Variants in LIMA1 observed in about 807,000 individuals in gnomAD.
LIMA1 encodes the protein LIM domain and actin binding 1, also known as LIM domain and actin-binding protein 1.
LIMA1 carries 52 observed loss-of-function variants against 62.6 expected under a neutral mutation model. That is an observed-to-expected ratio of 0.83 (90% confidence interval 0.67 to 1.05). The LOEUF is 1.05. Among genes scored for constraint, LIMA1 ranks in the 50% least tolerant of loss-of-function variants. The pLI, the probability that LIMA1 is intolerant of heterozygous loss-of-function variation, is 0.00. For synonymous variants in LIMA1, 302 were observed against 317.8 expected (o/e 0.95, Z 0.53); for missense variants, 780 against 902.2 (o/e 0.86, Z 1.74).
intron 3 of LIMA1, among the ~76,000 whole-genome samples, chr12:50,227,703 G>A (rs1245691621): frequency 2.0e-5 from 3 of 151,898 alleles, no homozygotes; most frequent in Non-Finnish European, 2.9e-5. Context: ...ACTCCCTGTC[G>A]CCTCTGCTTA....
intron 1 of LIMA1, among the ~76,000 whole-genome samples, chr12:50,276,005 T>C (rs1329332709): frequency 2.0e-5 from 3 of 152,154 alleles, no homozygotes; most frequent in African/African-American, 7.2e-5. Context: ...CCTGAGACTC[T>C]ACCTTTTTAA....
intron 2 of LIMA1, among the ~76,000 whole-genome samples, chr12:50,236,551 A>G (rs1422756814): frequency 1.3e-5 from 2 of 152,018 alleles, no homozygotes; most frequent in Non-Finnish European, 2.9e-5. Flanking sequence ...CGCCTGCCTC[A>G]GCCTCCCAAA....
chr12:50,282,442 C>A (rs1355298999), intron 1 of LIMA1, among the ~76,000 whole-genome samples: 1 of 152,220 alleles, frequency 6.6e-6, no homozygotes. Flanking sequence ...TCCCTAATTA[C>A]CTTTGACTAA....
At chr12:50,262,605 C>T (rs904924700) in intron 1 of LIMA1, among the ~76,000 whole-genome samples, 3 of 149,878 alleles carry the variant, frequency 2.0e-5, no homozygotes, top group African/African-American at 5.0e-5. Flanking sequence ...GAGACCTGTT[C>T]TCTGCCAAAA....
chr12:50,193,096 G>T (rs1940816192), intron 8 of LIMA1, among the ~76,000 whole-genome samples: 1 of 152,014 alleles, frequency 6.6e-6, no homozygotes, highest in African/African-American at 2.4e-5. Flanking sequence ...TATGGAAAAG[G>T]GCTCCATGAA....
At chr12:50,191,585 G>C (rs1264653942) in intron 9 of LIMA1, among the ~76,000 whole-genome samples, 8 of 152,118 alleles carry the variant, frequency 5.3e-5, no homozygotes, top group African/African-American at 1.9e-4. Flanking sequence ...ACTTTGGGAG[G>C]CCAAGGCAGG....
intron 7 of LIMA1, among the ~76,000 whole-genome samples, chr12:50,200,382 G>C (rs1351579579): frequency 6.6e-6 from 1 of 151,400 alleles, no homozygotes; most frequent in African/African-American, 2.4e-5. Flanking sequence ...TATATTTTTA[G>C]TAGAGATGGG....
intron 2 of LIMA1, among the ~76,000 whole-genome samples, chr12:50,245,716 TA>T (rs879849746): frequency 1.8e-3 from 251 of 138,502 alleles, no homozygotes; most frequent in Non-Finnish European, 1.7e-3. Context: ...TGAGAAACAC[TA>T]AAAAAAAAAA....
chr12:50,181,105 CTG>C, intron 10 of LIMA1, among the ~76,000 whole-genome samples: 1 of 110,638 alleles, frequency 9.0e-6, no homozygotes, highest in East Asian at 2.5e-4. Flanking sequence ...GAGTGAGACT[CTG>C]TATCCAAAAA....
intron 2 of LIMA1, among the ~76,000 whole-genome samples, chr12:50,239,830 T>C (rs116825446): frequency 0.03 from 4,484 of 150,874 alleles, 229 homozygotes; most frequent in African/African-American, 0.1. Flanking sequence ...ACCCCATCTC[T>C]TAAAAAAAAA....
At chr12:50,245,345 C>T (rs932673586) in intron 2 of LIMA1, among the ~76,000 whole-genome samples, 1 of 148,278 alleles carries the variant, frequency 6.7e-6, no homozygotes, top group South Asian at 2.1e-4. Flanking sequence ...CCTGGGAGGT[C>T]GAGTCTGCAG....
intron 1 of LIMA1, among the ~76,000 whole-genome samples, chr12:50,266,922 T>A (rs1202617579): frequency 6.6e-6 from 1 of 152,006 alleles, no homozygotes; most frequent in Admixed American, 6.6e-5. Flanking sequence ...TGAGACAGAG[T>A]CTCACTCTGT....
At chr12:50,218,925 A>G (rs1387024370) in intron 4 of LIMA1, among the ~76,000 whole-genome samples, 1 of 151,950 alleles carries the variant, frequency 6.6e-6, no homozygotes, top group Non-Finnish European at 1.5e-5. Context: ...ACAAAAAAAA[A>G]ACGCATTTCA....
chr12:50,230,760 G>A (rs1431856033), intron 3 of LIMA1, among the ~76,000 whole-genome samples: 2 of 151,878 alleles, frequency 1.3e-5, no homozygotes, highest in East Asian at 2.0e-4. Flanking sequence ...TGTATTTTTA[G>A]TACAGACGGG....
intron 4 of LIMA1, among the ~76,000 whole-genome samples, chr12:50,212,118 T>C (rs1941268009): frequency 6.6e-6 from 1 of 152,216 alleles, no homozygotes; most frequent in Non-Finnish European, 1.5e-5. Context: ...GTCTGTAGAA[T>C]TTTTTTCTGT....
At chr12:50,257,350 G>A (rs536783662) in intron 1 of LIMA1, among the ~76,000 whole-genome samples, 22 of 152,230 alleles carry the variant, frequency 1.4e-4, no homozygotes, top group African/African-American at 4.8e-4. Flanking sequence ...GTTGAAGGCC[G>A]AAAGAGTGAG....
chr12:50,179,499 A>C (rs1022212138), intron 10 of LIMA1, among the ~76,000 whole-genome samples: 1 of 149,080 alleles, frequency 6.7e-6, no homozygotes, highest in African/African-American at 2.5e-5. Context: ...GTGCAGTGAC[A>C]CGATCTCAGC....
rs181483912 is a variant in LIMA1, at chr12:50,185,433, G to C, written c.1141-3396C>G. 31 of 456,212 alleles carry C rather than the reference G, an allele frequency of 6.8e-5. 1 individual carries two copies. Among genetic ancestry groups the C allele is most frequent in the Admixed American group, 3.8e-4 (16 of 42,568 alleles). 28.3% of individuals were successfully genotyped at this position (456,212 alleles called of 1,614,324 possible). A position where few individuals can be genotyped will look rare whatever the true frequency, so the allele number is the denominator to read the frequency against. Reference sequence around the variant, plus strand: ...GGCAGGAGCAGAAATTAGGTACCAGGAGCAGGAGGCAGAAGCTGGAAGAGA... The same window carrying C: ...GGCAGGAGCAGAAATTAGGTACCAGCAGCAGGAGGCAGAAGCTGGAAGAGA... On this transcript the variant is annotated intron_variant, in intron 9 of 10. Transcript: ENST00000341247.
rs1555210866 is a variant in LIMA1 at position 50,263,851 on chromosome 12, T to TATATATAG, written c.-23-15078_-23-15077insCTATATAT. Among the ~76,000 whole-genome samples the TATATATAG allele has an allele frequency of 4.1e-4, 53 of 127,886 alleles. No individual in the cohort carries two copies. The East Asian group carries it at 6.5e-3, about 16-fold the overall frequency. The allele number at this position is 127,886 out of a possible 152,430, so 83.9% of individuals were successfully genotyped here. A position where few individuals can be genotyped will look rare whatever the true frequency, so the allele number is the denominator to read the frequency against. On this transcript the variant is annotated intron_variant, in intron 1 of 10. Transcript: ENST00000341247. ...TAGAGAGAGTATATATATATATATATAGAGAGTATATATATATATATATAT... is the reference window on the plus strand; with the variant it reads ...TAGAGAGAGTATATATATATATATATATATATAGAGAGAGTATATATATATATATATAT...
Sources: allele counts gnomAD v4.1 joint callset (sites outside exome capture counted in the v4.1 genomes callset), GRCh38; gene constraint gnomAD v4.1.1; transcripts MANE v1.5; gene names NCBI Gene and HGNC (gene_info 2026-07-23, HGNC 2026-07-21).